Variants in C10orf67 observed in about 807,000 individuals in gnomAD.
The protein encoded by C10orf67 is uncharacterized protein C10orf67, mitochondrial.
In C10orf67, 60 loss-of-function variants were observed where a neutral mutation model predicts 35.6. The observed-to-expected ratio is 1.68, with a 90% CI of 1.37 to 2.09. C10orf67 has a LOEUF of 2.09. C10orf67 is among the 30% of genes most tolerant of loss of function. C10orf67 has a pLI of 0.00. For missense variants in C10orf67, 474 were observed against 330.2 expected (o/e 1.44, Z -3.38); for synonymous variants, 167 against 115.8 (o/e 1.44, Z -2.84).
chr10:23,305,956 G>A (rs1169855752), intron 4 of C10orf67, among the ~76,000 whole-genome samples: 2 of 149,144 alleles, frequency 1.3e-5, no homozygotes, highest in Admixed American at 1.4e-4. Flanking sequence ...TGAAGAAAAC[G>A]TTACATACGC....
At position 23,209,249 on chromosome 10, in the gene C10orf67, C is replaced by T. The variant is rs144382147; in HGVS notation, c.1571-4994G>A. Among the ~76,000 whole-genome samples the T allele has an allele frequency of 3.3e-4, 50 of 152,024 alleles. No individual in the cohort carries two copies. In the South Asian group the frequency reaches 5.8e-3, roughly 18 times the overall value. On this transcript the variant is annotated intron_variant, in intron 15 of 15. Coordinates refer to ENST00000636213, the MANE Select transcript of C10orf67 (RefSeq NM_001371909.1). ...AATAACAAAGTGTAAAAAAGTGAAG[C>T]GAAATATGAAATCCTTAGCAACCTC...
chr10:23,296,405 A>G (rs1052103740), intron 5 of C10orf67, among the ~76,000 whole-genome samples: 1 of 152,016 alleles, frequency 6.6e-6, no homozygotes, highest in African/African-American at 2.4e-5. Flanking sequence ...TCTCCTTACT[A>G]TCTGATTGGT....
chr10:23,310,050 T>G (rs951488169), intron 4 of C10orf67, among the ~76,000 whole-genome samples: 2 of 152,212 alleles, frequency 1.3e-5, no homozygotes, highest in Non-Finnish European at 2.9e-5. Context: ...GTTTATGGAA[T>G]GAGCTGGACT....
chr10:23,307,993 T>A (rs893985715), intron 4 of C10orf67, among the ~76,000 whole-genome samples: 1 of 152,112 alleles, frequency 6.6e-6, no homozygotes, highest in Non-Finnish European at 1.5e-5. Context: ...TGTCTACAGC[T>A]CAAACACTCT....
chr10:23,319,380 C>T (rs1337621825), intron 4 of C10orf67, among the ~76,000 whole-genome samples: 2 of 152,034 alleles, frequency 1.3e-5, no homozygotes, highest in Non-Finnish European at 2.9e-5. Context: ...TGTATATGTA[C>T]CACATTTTTT....
chr10:23,327,885 A>C (rs539030380), intron 2 of C10orf67, among the ~76,000 whole-genome samples: 18 of 152,252 alleles, frequency 1.2e-4, no homozygotes, highest in African/African-American at 4.1e-4. Flanking sequence ...GACCTCACAC[A>C]AAGCCTCAAC....
At chr10:23,269,121 A>G (rs10828418) in intron 8 of C10orf67, among the ~76,000 whole-genome samples, 28,681 of 152,184 alleles carry the variant, frequency 0.19, 2,978 homozygotes, top group Admixed American at 0.29. Flanking sequence ...TGTGATCTTT[A>G]GAAAGGACTG....
intron 12 of C10orf67, among the ~76,000 whole-genome samples, chr10:23,249,730 G>A (rs767055818): frequency 7.2e-5 from 11 of 152,240 alleles, no homozygotes; most frequent in South Asian, 4.1e-4. Context: ...TTTGACCTCC[G>A]ATGGCCTCCA....
At chr10:23,292,577 T>C (rs1843753210) in intron 5 of C10orf67, among the ~76,000 whole-genome samples, 3 of 152,296 alleles carry the variant, frequency 2.0e-5, no homozygotes, top group South Asian at 4.1e-4. Flanking sequence ...CACTTTCATT[T>C]AAGGTTAAGG....
At chr10:23,244,945 T>G (rs1401656598) in intron 12 of C10orf67, among the ~76,000 whole-genome samples, 1 of 152,178 alleles carries the variant, frequency 6.6e-6, no homozygotes, top group Non-Finnish European at 1.5e-5. Flanking sequence ...CTTCCTGATT[T>G]GAGAAACTAT....
At chr10:23,285,167 C>T (rs1843494389) in intron 7 of C10orf67, among the ~76,000 whole-genome samples, 1 of 152,054 alleles carries the variant, frequency 6.6e-6, no homozygotes, top group Admixed American at 6.6e-5. Context: ...AGGAGACAGG[C>T]ACTGGCCCCA....
At position 23,206,947 on chromosome 10, in the gene C10orf67, G is replaced by C. The variant is rs189581974; in HGVS notation, c.1571-2692C>G. Among the ~76,000 whole-genome samples, 457 of 152,154 alleles carry C rather than the reference G, an allele frequency of 3.0e-3. 4 individuals are homozygous for C. The highest frequency in any genetic ancestry group is 0.01 in the African/African-American group (436 of 41,534). ...AGTTATGCCTCAGCATTAGTCATTGGAAAAAAAGCAGAATCTATCTTAAAT... is the reference window on the plus strand; with the variant it reads ...AGTTATGCCTCAGCATTAGTCATTGCAAAAAAAGCAGAATCTATCTTAAAT... On this transcript the variant is annotated intron_variant, in intron 15 of 15. Coordinates refer to ENST00000636213, the MANE Select transcript of C10orf67 (RefSeq NM_001371909.1).
intron 10 of C10orf67, among the ~76,000 whole-genome samples, chr10:23,262,045 T>C (rs1449783500): frequency 6.6e-6 from 1 of 152,150 alleles, no homozygotes; most frequent in East Asian, 1.9e-4. Context: ...TTGGCCAGGC[T>C]AAATCCAAAG....
At chr10:23,333,908 T>C (rs1845572587) in intron 1 of C10orf67, among the ~76,000 whole-genome samples, 1 of 152,104 alleles carries the variant, frequency 6.6e-6, no homozygotes, top group Non-Finnish European at 1.5e-5. Context: ...GAGGCTGCAG[T>C]GAGCTATGAA....
chr10:23,311,182 G>A (rs917144740), intron 4 of C10orf67, among the ~76,000 whole-genome samples: 4 of 152,158 alleles, frequency 2.6e-5, no homozygotes, highest in Non-Finnish European at 5.9e-5. Flanking sequence ...GGCTTTGGAT[G>A]AAACTGAAAC....
intron 2 of C10orf67, among the ~76,000 whole-genome samples, chr10:23,323,915 ATATATATAT>A (rs1172242357): frequency 1.1e-4 from 3 of 28,350 alleles, no homozygotes; most frequent in Admixed American, 9.7e-4. Flanking sequence ...ATATATATAT[ATATATATAT>A]ATATATATAT....
intron 8 of C10orf67, among the ~76,000 whole-genome samples, chr10:23,270,666 G>A (rs1023625675): frequency 6.6e-6 from 1 of 152,234 alleles, no homozygotes; most frequent in Non-Finnish European, 1.5e-5. Flanking sequence ...ACAGGCTGGA[G>A]ACGGCCTGAG....
chr10:23,322,321 C>A (rs1844987495), intron 3 of C10orf67, 73 bp downstream of exon 3: 1 of 1,469,448 alleles, frequency 6.8e-7, no homozygotes, highest in Non-Finnish European at 9.2e-7. Flanking sequence ...TTACTAAATT[C>A]TAAACTGCAC....
At chr10:23,256,201 T>C (rs1191251447) in intron 10 of C10orf67, among the ~76,000 whole-genome samples, 1 of 152,090 alleles carries the variant, frequency 6.6e-6, no homozygotes, top group Non-Finnish European at 1.5e-5. Flanking sequence ...GAAGTCTTGC[T>C]ATGTTCCCCA....
Sources: gnomAD v4.1 joint callset for allele counts (sites outside exome capture counted in the v4.1 genomes callset) on GRCh38, gnomAD v4.1.1 for gene constraint, MANE v1.5 for transcripts, NCBI Gene and HGNC (gene_info 2026-07-23, HGNC 2026-07-21) for gene names.